ZNF257: variants seen among roughly 807,000 people sequenced by gnomAD.
The protein encoded by ZNF257 is zinc finger protein 257.
ZNF257 carries 12 observed loss-of-function variants against 11.9 expected under a neutral mutation model. The ratio of observed to expected loss-of-function variants is 1.01; its 90% CI spans 0.65 to 1.63. The LOEUF (loss-of-function observed/expected upper bound fraction) is 1.63, where lower values mean the gene tolerates loss of function less well. ZNF257 is among the 40% of genes most tolerant of loss of function. The pLI is 0.00. For missense variants in ZNF257, 580 were observed against 665.5 expected, an observed-to-expected ratio of 0.87 and a Z score of 1.41; for synonymous variants, 183 against 222.7, an observed-to-expected ratio of 0.82 and a Z score of 1.59.
chr19:22,084,457 T>G (rs73019874), intron 3 of ZNF257, among the ~76,000 whole-genome samples: 27,612 of 151,562 alleles, frequency 0.18, 2,837 homozygotes, highest in African/African-American at 0.24. Flanking sequence ...TTTTTGAAGA[T>G]TGTTGGGTAC....
intron 3 of ZNF257, among the ~76,000 whole-genome samples, chr19:22,077,719 A>G (rs913967670): frequency 6.6e-6 from 1 of 152,018 alleles, no homozygotes; most frequent in Non-Finnish European, 1.5e-5. Context: ...TACTAATACA[A>G]TAAACATGAC....
At chr19:22,073,642 A>C in intron 3 of ZNF257, 78 bp downstream of exon 3, 3 of 1,504,968 alleles carry the variant, frequency 2.0e-6, no homozygotes, top group Non-Finnish European at 2.7e-6. Context: ...AAGTCCTTAA[A>C]ATGTCATTTC....
chr19:22,056,193 T>C (rs1385828691), intron 1 of ZNF257, among the ~76,000 whole-genome samples: 36 of 152,178 alleles, frequency 2.4e-4, no homozygotes, highest in Non-Finnish European at 1.2e-4. Context: ...GTCTCGTGCC[T>C]GTAATCTTAG....
intron 3 of ZNF257, chr19:22,075,608 T>C (rs1205127626): frequency 6.6e-6 from 1 of 152,232 alleles, no homozygotes; most frequent in Non-Finnish European, 1.5e-5. Context: ...GGCCATTTCC[T>C]GTCCTGTAGC....
chr19:22,073,674 AT>A, intron 3 of ZNF257, 110 bp downstream of exon 3: 1 of 1,372,324 alleles, frequency 7.3e-7, no homozygotes, highest in African/African-American at 1.5e-5. Context: ...TCCAAGGGAT[AT>A]AGTTTCTGGA....
chr19:22,083,761 CTGTT>C (rs995445308), intron 3 of ZNF257, among the ~76,000 whole-genome samples: 19 of 152,120 alleles, frequency 1.2e-4, no homozygotes, highest in African/African-American at 3.9e-4. Context: ...CAATCTCTGT[CTGTT>C]TGTGGCTGGC....
Position 22,088,283 on chromosome 19 carries a change from G to T in ZNF257, c.533G>T (p.Cys178Phe), listed in dbSNP as rs1244253237. ...TEKKTCKCKECGKSFCMLSQL... is the reference protein window; with the variant it reads ...TEKKTCKCKEFGKSFCMLSQL... The stretch of plus-strand genomic sequence containing the variant: ...AAGAAAACTTGCAAATGTAAAGAAT[G>T]TGGCAAATCATTTTGCATGCTTTCA... The change falls in exon 4 of 4, where the codon TGT becomes TTT. Residue 178 changes from cysteine (C) to phenylalanine (F), a missense_variant. Cys to Phe is a radical substitution (Grantham distance 205, BLOSUM62 -2). Transcript: ENST00000594947. The T allele has an allele frequency of 6.2e-7, 1 of 1,613,642 alleles. No homozygotes were observed. The highest frequency in any genetic ancestry group is 8.5e-7 in the Non-Finnish European group (1 of 1,179,784).
intron 1 of ZNF257, among the ~76,000 whole-genome samples, chr19:22,067,106 G>A (rs1284072819): frequency 6.6e-6 from 1 of 152,078 alleles, no homozygotes; most frequent in East Asian, 1.9e-4. Flanking sequence ...TACATAGTAT[G>A]TGCTGTCTCC....
At chr19:22,064,398 T>G (rs2021887371) in intron 1 of ZNF257, 1 of 152,222 alleles carries the variant, frequency 6.6e-6, no homozygotes, top group South Asian at 2.1e-4. Flanking sequence ...GATTCATTGC[T>G]TTGTTTTTGC....
rs139467128 is a variant in ZNF257 at position 22,080,941 on chromosome 19, G to A, written c.227-7036G>A. 6.7e-3 allele frequency among the ~76,000 whole-genome samples: 1,008 copies of A among 149,952 alleles called. 12 individuals carry two copies. The highest frequency in any genetic ancestry group is 0.022 in the African/African-American group (901 of 40,860). ...TGCCCAGGCTGGAGTGCAGTGGCAC[G>A]ATCTCAGCTCACTGCAACCTCCATC... On this transcript the variant is annotated intron_variant, in intron 3 of 3. Transcript: ENST00000594947.
intron 1 of ZNF257, among the ~76,000 whole-genome samples, chr19:22,061,590 C>T (rs1490239132): frequency 6.7e-6 from 1 of 149,988 alleles, no homozygotes; most frequent in East Asian, 1.9e-4. Context: ...ACACAAAGAT[C>T]GTTTGACAAC....
intron 1 of ZNF257, among the ~76,000 whole-genome samples, chr19:22,053,091 C>A (rs1465991816): frequency 6.6e-6 from 1 of 152,160 alleles, no homozygotes; most frequent in Non-Finnish European, 1.5e-5. Context: ...ATTCAAAAAT[C>A]CGGGCGCGGT....
chr19:22,063,213 G>A (rs1003993580), intron 1 of ZNF257, among the ~76,000 whole-genome samples: 3 of 152,042 alleles, frequency 2.0e-5, no homozygotes, highest in African/African-American at 7.2e-5. Flanking sequence ...CAGTAATAAT[G>A]TCCCTTTGTC....
intron 1 of ZNF257, among the ~76,000 whole-genome samples, chr19:22,071,876 A>G (rs1467887104): frequency 6.6e-6 from 1 of 152,146 alleles, no homozygotes; most frequent in Non-Finnish European, 1.5e-5. Flanking sequence ...AACTCTATAG[A>G]GAGCAGGATT....
intron 3 of ZNF257, among the ~76,000 whole-genome samples, chr19:22,078,630 TAAA>T (rs1184761553): frequency 6.6e-6 from 1 of 152,114 alleles, no homozygotes; most frequent in African/African-American, 2.4e-5. Context: ...ATGTTGTATC[TAAA>T]AAAGTGTTGC....
rs774484351 is a variant in ZNF257, at chr19:22,089,089, A to T, written c.1339A>T (p.Ile447Phe). ...GKAFNRSSYL[I>F]RHKIIHTGEK... ...AGCCTTTAACCGGTCTTCATACCTTATTCGACATAAGATAATTCATACTGG... is the reference window on the plus strand; with the variant it reads ...AGCCTTTAACCGGTCTTCATACCTTTTTCGACATAAGATAATTCATACTGG... Residue 447 changes from isoleucine to phenylalanine, a missense_variant, in exon 4 of 4, where the codon ATT becomes TTT. Coordinates refer to ENST00000594947, the MANE Select transcript of ZNF257 (RefSeq NM_033468.4). The T allele has an allele frequency of 1.2e-4, 190 of 1,613,476 alleles. 2 individuals are homozygous for T. The Middle Eastern group carries it at 1.3e-3, about 11-fold the overall frequency.
At chr19:22,060,923 C>G (rs1322221871) in intron 1 of ZNF257, among the ~76,000 whole-genome samples, 1 of 152,058 alleles carries the variant, frequency 6.6e-6, no homozygotes, top group African/African-American at 2.4e-5. Context: ...TGTCAAAGAT[C>G]AGATGGTTGT....
chr19:22,086,813 A>C (rs2022487163), intron 3 of ZNF257, among the ~76,000 whole-genome samples: 2 of 152,200 alleles, frequency 1.3e-5, no homozygotes, highest in South Asian at 2.1e-4. Context: ...TATGCCAATA[A>C]ATGACACATC....
At chr19:22,067,770 G>T (rs1433596266) in intron 1 of ZNF257, among the ~76,000 whole-genome samples, 2 of 151,938 alleles carry the variant, frequency 1.3e-5, no homozygotes, top group Non-Finnish European at 2.9e-5. Context: ...GGAGGCGAAG[G>T]TTGCAGTGAC....
Sources: gnomAD v4.1 joint callset for allele counts (sites outside exome capture counted in the v4.1 genomes callset) on GRCh38, gnomAD v4.1.1 for gene constraint, MANE v1.5 for transcripts, NCBI Gene and HGNC (gene_info 2026-07-23, HGNC 2026-07-21) for gene names.